Variants in PRDM1 observed in about 807,000 individuals in gnomAD.
The protein encoded by PRDM1 is PR/SET domain 1.
In PRDM1, 13 loss-of-function variants were observed where a neutral mutation model predicts 62.8. The observed-to-expected ratio is 0.21, with a 90% CI of 0.13 to 0.33. PRDM1 has a LOEUF of 0.33. PRDM1 is among the 10% of genes least tolerant of loss of function. PRDM1 has a pLI of 1.00. For missense variants in PRDM1, 895 were observed against 1,058.8 expected, an observed-to-expected ratio of 0.85 and a Z score of 2.15; for synonymous variants, 396 against 417.6, an observed-to-expected ratio of 0.95 and a Z score of 0.63.
chr6:106,016,027 GTTTA>G lies in PRDM1; in HGVS notation c.-67+22390_-67+22393del, dbSNP rs1199029219. ...CCCCTGGCAACTTCTATTATACTTT[GTTTA>G]TATGAATTTGGCTCATATATATATG... is the stretch of plus-strand genomic sequence containing the variant. On this transcript the variant is annotated intron_variant, in intron 1 of 6. Transcript: ENST00000652320. 2.0e-5 allele frequency among the ~76,000 whole-genome samples: 3 copies of G among 152,060 alleles called. No homozygotes were observed. The East Asian group carries it at 5.8e-4, about 29-fold the overall frequency.
chr6:105,998,917 ATATATATATATATATATTTTTTTT>A (rs1480293880), intron 1 of PRDM1, among the ~76,000 whole-genome samples: 17 of 3,820 alleles, frequency 4.5e-3, no homozygotes, highest in Admixed American at 0.036. Context: ...ATATATATAT[ATATATATATATATATATTTTTTTT>A]TTTTTTTTTC....
rs1433402686 is a variant in PRDM1 at position 106,106,435 on chromosome 6, C to G, written c.1838C>G (p.Thr613Ser). 2 of 1,614,186 alleles carry G rather than the reference C, an allele frequency of 1.2e-6. No homozygotes were observed. The highest frequency in any genetic ancestry group is 1.7e-5 in the Admixed American group (1 of 60,030). Residue 613 changes from threonine to serine, a missense_variant, in exon 6 of 7, where the codon ACT (threonine) becomes AGT (serine). Coordinates refer to ENST00000369096, the MANE Select transcript of PRDM1 (RefSeq NM_001198.4). The surrounding 1 kb of genome is among the most constrained non-coding windows in gnomAD (Gnocchi z 4.4). Reference sequence around the variant, plus strand: ...TGTCAGACTTGCAACAAGGGCTTTACTCAGCTCGCCCACCTGCAGAAACAC... The same window carrying G: ...TGTCAGACTTGCAACAAGGGCTTTAGTCAGCTCGCCCACCTGCAGAAACAC... ...FKCQTCNKGF[T>S]QLAHLQKHYL...
chr6:106,100,611 AT>A (rs1774239024), intron 4 of PRDM1: 1 of 152,176 alleles, frequency 6.6e-6, no homozygotes, highest in East Asian at 1.9e-4. Flanking sequence ...TTTGACTTTG[AT>A]TTTAGGACCA....
intron 2 of PRDM1, among the ~76,000 whole-genome samples, chr6:106,090,091 C>T (rs1035131192): frequency 6.6e-6 from 1 of 152,172 alleles, no homozygotes; most frequent in African/African-American, 2.4e-5. Flanking sequence ...GTCACTTACC[C>T]AAAGGCATAT....
chr6:106,023,340 G>A (rs1488902499), intron 1 of PRDM1, among the ~76,000 whole-genome samples: 1 of 152,216 alleles, frequency 6.6e-6, no homozygotes, highest in Non-Finnish European at 1.5e-5. Flanking sequence ...GTGTTTAACA[G>A]TGGTTTAAAT....
At chr6:106,039,699 C>T (rs1582434829) in intron 1 of PRDM1, among the ~76,000 whole-genome samples, 1 of 152,224 alleles carries the variant, frequency 6.6e-6, no homozygotes, top group South Asian at 2.1e-4. Flanking sequence ...CTGATGTGTT[C>T]AGTGAAGCAT....
intron 1 of PRDM1, among the ~76,000 whole-genome samples, chr6:106,033,837 T>G (rs1233053051): frequency 6.6e-6 from 1 of 152,138 alleles, no homozygotes; most frequent in Non-Finnish European, 1.5e-5. Context: ...CTTTAAATAT[T>G]TGGTAGAATT....
intron 1 of PRDM1, among the ~76,000 whole-genome samples, chr6:106,040,207 C>T (rs1398960211): frequency 6.6e-6 from 1 of 152,224 alleles, no homozygotes. Flanking sequence ...ACCCATTGTT[C>T]TTCTCTTGAC....
At chr6:106,055,742 T>C (rs1184498491) in intron 1 of PRDM1, among the ~76,000 whole-genome samples, 1 of 152,204 alleles carries the variant, frequency 6.6e-6, no homozygotes, top group African/African-American at 2.4e-5. Context: ...AAAAAGCTAG[T>C]TGGTGTTTAT....
intron 1 of PRDM1, among the ~76,000 whole-genome samples, chr6:106,062,765 G>A (rs1033650586): frequency 7.9e-5 from 12 of 152,120 alleles, no homozygotes; most frequent in Non-Finnish European, 1.6e-4. Context: ...GTTACTAAAC[G>A]GGAGGACTAC....
At position 106,106,150 on chromosome 6, in the gene PRDM1, T is replaced by C. The variant is rs1033681151; in HGVS notation, c.1773+217T>C. On this transcript the variant is annotated intron_variant, in intron 5 of 6. Transcript: ENST00000369096. This position sits in a 1 kb window ranked among gnomAD's most constrained non-coding sequence, Gnocchi z 4.4. ...GATTTTCTTCTGAATAATAAAAAAA[T>C]TAGGGGTTTGGACTAGAAGATTAGG... is the stretch of plus-strand genomic sequence containing the variant. Among the ~76,000 whole-genome samples, 3 of 152,188 alleles carry C rather than the reference T, an allele frequency of 2.0e-5. No homozygotes were observed. The highest frequency in any genetic ancestry group is 7.2e-5 in the African/African-American group (3 of 41,454).
intron 1 of PRDM1, among the ~76,000 whole-genome samples, chr6:106,003,258 A>G (rs1296354151): frequency 6.6e-6 from 1 of 152,220 alleles, no homozygotes; most frequent in African/African-American, 2.4e-5. Flanking sequence ...CAGGACTATA[A>G]ACACAAATCA....
At chr6:106,034,828 C>T (rs1772902793) in intron 1 of PRDM1, among the ~76,000 whole-genome samples, 1 of 151,846 alleles carries the variant, frequency 6.6e-6, no homozygotes. Context: ...GACGGGGTTT[C>T]ACTATGTTGC....
chr6:106,103,952 C>T (rs1239403075), intron 4 of PRDM1, among the ~76,000 whole-genome samples: 4 of 152,126 alleles, frequency 2.6e-5, no homozygotes, highest in African/African-American at 7.2e-5. Context: ...CTGCACATCG[C>T]GAGGAAGGTG....
intron 1 of PRDM1, chr6:106,072,266 A>G (rs2114601970): frequency 6.6e-6 from 1 of 152,362 alleles, no homozygotes; most frequent in African/African-American, 2.4e-5. Flanking sequence ...TCTAAAAGAC[A>G]GCAACAACTA....
At chr6:106,075,231 A>AT (rs1773587425) in intron 1 of PRDM1, among the ~76,000 whole-genome samples, 1 of 152,206 alleles carries the variant, frequency 6.6e-6, no homozygotes. Flanking sequence ...ATTGAGCCGT[A>AT]TTTAAAGTAA....
Position 106,099,517 on chromosome 6 carries a change from A to G in PRDM1, c.629A>G (p.Tyr210Cys). The G allele has an allele frequency of 6.2e-7, 1 of 1,614,088 alleles. No homozygotes were observed. Among genetic ancestry groups the G allele is most frequent in the Non-Finnish European group, 8.5e-7 (1 of 1,180,014 alleles). ...YCRDFAERLH[Y>C]PYPGELTMMN... ...CGGGACTTTGCAGAAAGGCTTCACT[A>G]CCCTTATCCCGGAGAGCTGACAATG... The change falls in exon 4 of 7, where the codon TAC (tyrosine) becomes TGC (cysteine). Residue 210 changes from tyrosine (Y) to cysteine (C), a missense_variant. This residue lies in a region of PRDM1 where 213 missense variants were observed against 283.9 expected (regional missense o/e 0.75). Coordinates refer to ENST00000369096, the MANE Select transcript of PRDM1 (RefSeq NM_001198.4).
intron 1 of PRDM1, among the ~76,000 whole-genome samples, chr6:105,999,204 G>A (rs558965038): frequency 2.1e-4 from 32 of 151,656 alleles, no homozygotes; most frequent in African/African-American, 7.7e-4. Context: ...TTCCCAAAGT[G>A]CTGGTAATAC....
rs369398368 is a variant in PRDM1, at chr6:106,071,394, TAC to T, written c.-66-16793_-66-16792del. On this transcript the variant is annotated intron_variant, in intron 1 of 6. Coordinates refer to the PRDM1 transcript ENST00000651185. ...TAAGTCACGTGTGTATATATATATATACACACACACACACATACATACATACA... is the reference window on the plus strand; with the variant it reads ...TAAGTCACGTGTGTATATATATATATACACACACACACATACATACATACA... 2.6e-3 allele frequency among the ~76,000 whole-genome samples: 396 copies of T among 151,486 alleles called. 3 individuals carry two copies. Among genetic ancestry groups the T allele is most frequent in the African/African-American group, 9.0e-3 (371 of 41,320 alleles).
Sources: allele counts gnomAD v4.1 joint callset (sites outside exome capture counted in the v4.1 genomes callset), GRCh38; gene constraint gnomAD v4.1.1; regional missense constraint gnomAD v4.1.1; non-coding constraint Gnocchi (gnomAD v3.1); transcripts MANE v1.5; gene names NCBI Gene and HGNC (gene_info 2026-07-23, HGNC 2026-07-21).